PPP3CA: variants seen among roughly 807,000 people sequenced by gnomAD.
The protein encoded by PPP3CA is CAM-PRP catalytic subunit.
PPP3CA carries 14 observed loss-of-function variants against 66.5 expected under a neutral mutation model. The ratio of observed to expected loss-of-function variants is 0.21; its 90% CI spans 0.14 to 0.33. The LOEUF is 0.33. Among genes scored for constraint, PPP3CA ranks in the 10% least tolerant of loss-of-function variants. The pLI is 1.00. For missense variants in PPP3CA, 317 were observed against 639.5 expected (o/e 0.50, Z 5.44); for synonymous variants, 232 against 226.2 (o/e 1.03, Z -0.23).
intron 2 of PPP3CA, among the ~76,000 whole-genome samples, chr4:101,115,851 G>C (rs764494067): frequency 1.3e-5 from 2 of 151,866 alleles, no homozygotes; most frequent in Non-Finnish European, 1.5e-5. Flanking sequence ...TTAACAATGA[G>C]CAAAAATTTT....
intron 11 of PPP3CA, among the ~76,000 whole-genome samples, chr4:101,039,903 T>C (rs994443825): frequency 1.4e-5 from 2 of 144,556 alleles, no homozygotes; most frequent in Admixed American, 6.9e-5. Flanking sequence ...TACATTGTAT[T>C]ATTTAGAAAT....
chr4:101,050,303 C>T (rs1490472131), intron 10 of PPP3CA, among the ~76,000 whole-genome samples: 4 of 152,084 alleles, frequency 2.6e-5, no homozygotes, highest in Non-Finnish European at 5.9e-5. Flanking sequence ...TCTGGTCCTA[C>T]TGCAAAGCTT....
intron 6 of PPP3CA, among the ~76,000 whole-genome samples, chr4:101,087,430 C>G (rs1369255478): frequency 6.6e-6 from 1 of 152,168 alleles, no homozygotes; most frequent in Non-Finnish European, 1.5e-5. Context: ...GATCAAGACA[C>G]AGAACATTAT....
At chr4:101,207,244 A>G (rs1725158920) in intron 1 of PPP3CA, among the ~76,000 whole-genome samples, 1 of 152,192 alleles carries the variant, frequency 6.6e-6, no homozygotes, top group Non-Finnish European at 1.5e-5. Flanking sequence ...AGCAGTTCAA[A>G]TATTTCCTTT....
chr4:101,302,033 G>T (rs1728395016), intron 1 of PPP3CA, among the ~76,000 whole-genome samples: 2 of 151,670 alleles, frequency 1.3e-5, no homozygotes, highest in Admixed American at 6.6e-5. Flanking sequence ...GCTTCTAAAG[G>T]GTATACTTTT....
chr4:101,301,833 T>C (rs1186592674), intron 1 of PPP3CA, among the ~76,000 whole-genome samples: 1 of 149,488 alleles, frequency 6.7e-6, no homozygotes, highest in African/African-American at 2.4e-5. Context: ...TATATATATA[T>C]ATATAATTTT....
At chr4:101,330,279 T>G (rs1729339251) in intron 1 of PPP3CA, 1 of 433,442 alleles carries the variant, frequency 2.3e-6, no homozygotes, top group Non-Finnish European at 4.6e-6. Context: ...AGGACTGACT[T>G]GGTGCAATCC....
In PPP3CA at chr4:101,029,299, T is replaced by A. The variant is rs966188130; in HGVS notation, c.1340-104A>T. The stretch of plus-strand genomic sequence containing the variant: ...CCATCAAAGGAGCTAAGAGAACTAA[T>A]GTTCCTGTAAGTGCTAGATTCTGGC... On this transcript the variant is annotated intron_variant, in intron 12 of 13. Transcript: ENST00000394854. 4.6e-6 allele frequency: 4 copies of A among 876,580 alleles called. No homozygotes were observed. In the African/African-American group the frequency reaches 7.3e-5, roughly 16 times the overall value. The allele number at this position is 876,580 out of a possible 1,614,324, so 54.3% of individuals were successfully genotyped here.
At chr4:101,063,416 G>A in intron 8 of PPP3CA, 59 bp from the exon 9 acceptor site, 1 of 1,530,708 alleles carries the variant, frequency 6.5e-7, no homozygotes, top group Non-Finnish European at 8.8e-7. Flanking sequence ...TTCTATGTAT[G>A]GCTTTAGCTC....
chr4:101,295,512 C>A (rs562540333), intron 1 of PPP3CA, among the ~76,000 whole-genome samples: 1 of 152,234 alleles, frequency 6.6e-6, no homozygotes, highest in African/African-American at 2.4e-5. Flanking sequence ...ATAACATTTT[C>A]TTAACCTTCT....
chr4:101,346,726 G>A lies in PPP3CA; in HGVS notation c.58+13C>T. 2 of 1,609,036 alleles carry A rather than the reference G, an allele frequency of 1.2e-6. No individual in the cohort carries two copies. The highest frequency in any genetic ancestry group is 1.7e-5 in the Admixed American group (1 of 59,628). ...CACACGGTGCACCCAGGCCACCGCG[G>A]CGCTCCGCTTACCTTTCACCACCCT... On this transcript the variant is annotated intron_variant, in intron 1 of 13. Transcript: ENST00000394854.
At chr4:101,164,444 G>T (rs1188646331) in intron 2 of PPP3CA, among the ~76,000 whole-genome samples, 1 of 152,006 alleles carries the variant, frequency 6.6e-6, no homozygotes, top group Non-Finnish European at 1.5e-5. Flanking sequence ...TGTTGAATAT[G>T]TGTCAATAAG....
At chr4:101,032,144 C>T (rs1462309944) in intron 12 of PPP3CA, 123 bp downstream of exon 12, 7 of 660,588 alleles carry the variant, frequency 1.1e-5, no homozygotes, top group Non-Finnish European at 1.4e-5. Flanking sequence ...TTCAGCCCTT[C>T]TGCCAGCTGA....
chr4:101,101,487 TTAGGATGTC>T (rs1487757084), intron 3 of PPP3CA, among the ~76,000 whole-genome samples: 3 of 152,164 alleles, frequency 2.0e-5, no homozygotes, highest in African/African-American at 7.2e-5. Context: ...GGTCGTTAAT[TTAGGATGTC>T]TAGTTTGGAA....
intron 3 of PPP3CA, among the ~76,000 whole-genome samples, chr4:101,104,218 G>A (rs1730561308): frequency 6.6e-6 from 1 of 152,104 alleles, no homozygotes; most frequent in South Asian, 2.1e-4. Flanking sequence ...TACCTGCAGT[G>A]GAGCCCTGAA....
At chr4:101,123,208 T>C (rs765686368) in intron 2 of PPP3CA, among the ~76,000 whole-genome samples, 2 of 152,196 alleles carry the variant, frequency 1.3e-5, no homozygotes, top group Admixed American at 1.3e-4. Flanking sequence ...TCTTTGTCTA[T>C]TGTTGCATTC....
intron 10 of PPP3CA, among the ~76,000 whole-genome samples, chr4:101,052,991 A>C (rs976287325): frequency 6.6e-6 from 1 of 152,028 alleles, no homozygotes; most frequent in Non-Finnish European, 1.5e-5. Flanking sequence ...CTGCATGACT[A>C]GCATGTTTAA....
At chr4:101,243,542 T>C (rs1024552897) in intron 1 of PPP3CA, among the ~76,000 whole-genome samples, 3 of 152,162 alleles carry the variant, frequency 2.0e-5, no homozygotes, top group African/African-American at 7.2e-5. Context: ...TATCTAAACA[T>C]GGTATGACCA....
chr4:101,124,741 A>AAGAAAG (rs1722177309), intron 2 of PPP3CA, among the ~76,000 whole-genome samples: 3 of 93,260 alleles, frequency 3.2e-5, no homozygotes, highest in East Asian at 3.5e-4. Flanking sequence ...GAAAGAAAGA[A>AAGAAAG]AGAAAGAAAG....
Sources: allele counts gnomAD v4.1 joint callset (sites outside exome capture counted in the v4.1 genomes callset), GRCh38; gene constraint gnomAD v4.1.1; transcripts MANE v1.5; gene names NCBI Gene and HGNC (gene_info 2026-07-23, HGNC 2026-07-21).